Variants in PARD3B observed in about 807,000 individuals in gnomAD.
PARD3B encodes par-3 family cell polarity regulator beta.
Under a neutral mutation model 130.2 loss-of-function variants are expected in PARD3B, and 103 were observed. The observed-to-expected ratio is 0.79, with a 90% CI of 0.67 to 0.93. PARD3B has a LOEUF of 0.93. Ranked by LOEUF, PARD3B falls within the 40% of genes least tolerant of loss-of-function variation. The probability of loss-of-function intolerance (pLI) is 0.00; values close to 1 mark genes in which losing one functional copy is unlikely to be tolerated. For missense variants in PARD3B, 1,609 were observed against 1,499.2 expected (o/e 1.07, Z -1.21); for synonymous variants, 583 against 553.2 (o/e 1.05, Z -0.76).
chr2:204,738,886 A>G (rs1353907316), intron 2 of PARD3B, among the ~76,000 whole-genome samples: 1 of 152,200 alleles, frequency 6.6e-6, no homozygotes, highest in Admixed American at 6.5e-5. Flanking sequence ...GACCTACTAA[A>G]TAGTCTCTCT....
intron 2 of PARD3B, among the ~76,000 whole-genome samples, chr2:204,807,035 G>A (rs567982943): frequency 1.3e-5 from 2 of 152,108 alleles, no homozygotes; most frequent in Non-Finnish European, 2.9e-5. Context: ...GGCGAAGGAG[G>A]AGCAAAGGCA....
At chr2:204,944,977 T>G (rs1689197308) in intron 2 of PARD3B, among the ~76,000 whole-genome samples, 1 of 152,254 alleles carries the variant, frequency 6.6e-6, no homozygotes, top group Non-Finnish European at 1.5e-5. Context: ...AACTGTATTT[T>G]AATCTTTTGT....
intron 15 of PARD3B, among the ~76,000 whole-genome samples, chr2:205,200,904 G>C (rs2036952853): frequency 1.3e-5 from 2 of 151,802 alleles, no homozygotes; most frequent in Admixed American, 6.6e-5. Context: ...AGTGGGGATA[G>C]TAACTATTGA....
In PARD3B at chr2:205,238,630, G is replaced by A. The variant is rs778617791; in HGVS notation, c.2141-7148G>A. Among the ~76,000 whole-genome samples, 139 of 151,368 alleles carry A rather than the reference G, an allele frequency of 9.2e-4. 1 individual carries two copies. The highest frequency in any genetic ancestry group is 1.6e-3 in the Non-Finnish European group (106 of 67,822). On this transcript the variant is annotated intron_variant, in intron 15 of 22. Coordinates refer to ENST00000406610, the MANE Select transcript of PARD3B (RefSeq NM_001302769.2). Reference sequence around the variant, plus strand: ...GTGTATCACCTGAGGTCAGGAGTTCGAGACCAGCTTGACCAACATGGTGAA... The same window carrying A: ...GTGTATCACCTGAGGTCAGGAGTTCAAGACCAGCTTGACCAACATGGTGAA...
intron 2 of PARD3B, among the ~76,000 whole-genome samples, chr2:204,736,866 A>G (rs1170802037): frequency 6.6e-6 from 1 of 152,212 alleles, no homozygotes; most frequent in Non-Finnish European, 1.5e-5. Flanking sequence ...TGTTTTTCAT[A>G]GAGGTTGTAC....
chr2:204,785,516 G>C (rs376852200), intron 2 of PARD3B, among the ~76,000 whole-genome samples: 19 of 152,136 alleles, frequency 1.2e-4, no homozygotes, highest in African/African-American at 4.3e-4. Context: ...TCCTTAATAT[G>C]ACACTTTAAG....
chr2:205,077,448 A>C (rs566015207), intron 4 of PARD3B, among the ~76,000 whole-genome samples: 3 of 152,256 alleles, frequency 2.0e-5, no homozygotes, highest in South Asian at 4.1e-4. Context: ...CAATTCAGTC[A>C]TACCCTTTTG....
At chr2:205,524,369 T>G (rs1332098756) in intron 21 of PARD3B, among the ~76,000 whole-genome samples, 2 of 152,160 alleles carry the variant, frequency 1.3e-5, no homozygotes, top group Non-Finnish European at 2.9e-5. Context: ...TGATATTAAC[T>G]ACACCTCCTG....
chr2:204,959,559 C>G (rs1026815217), intron 2 of PARD3B, among the ~76,000 whole-genome samples: 1 of 152,292 alleles, frequency 6.6e-6, no homozygotes, highest in Non-Finnish European at 1.5e-5. Flanking sequence ...GCCACACTGT[C>G]TTCCACAATG....
rs1216424684 is a variant in PARD3B at position 205,300,393 on chromosome 2, G to A, written c.2186-137G>A. On this transcript the variant is annotated intron_variant, in intron 16 of 22. Transcript: ENST00000406610. This position sits in a 1 kb window ranked among gnomAD's most constrained non-coding sequence, Gnocchi z 4.1. ...GTTCAAGGTTACAAAAGGTGGCAAA[G>A]CTGGAGTATAACCCCAACTCCCACC... 1 of 740,230 alleles carries A rather than the reference G, an allele frequency of 1.4e-6. No homozygotes were observed. The highest frequency in any genetic ancestry group is 1.8e-5 in the African/African-American group (1 of 56,894). The allele number at this position is 740,230 out of a possible 1,614,324, so 45.9% of individuals were successfully genotyped here. A position where few individuals can be genotyped will look rare whatever the true frequency, so the allele number is the denominator to read the frequency against.
chr2:204,795,987 A>G (rs752570678), intron 2 of PARD3B, among the ~76,000 whole-genome samples: 2 of 152,156 alleles, frequency 1.3e-5, no homozygotes, highest in African/African-American at 2.4e-5. Flanking sequence ...TTTCCTAATC[A>G]CTCTACATGT....
Position 205,292,695 on chromosome 2 carries a change from C to T in PARD3B, c.2186-7835C>T, listed in dbSNP as rs575528910. Among the ~76,000 whole-genome samples the T allele has an allele frequency of 6.6e-6, 1 of 152,240 alleles. No homozygotes were observed. The highest frequency in any genetic ancestry group is 2.1e-4 in the South Asian group (1 of 4,820). ...AAGTTATTTTATCCTGCCCATCCTC[C>T]CACCTTTTTTTCTAGTTTTCTCTCA... On this transcript the variant is annotated intron_variant, in intron 16 of 22. Transcript: ENST00000406610. This position sits in a 1 kb window ranked among gnomAD's most constrained non-coding sequence, Gnocchi z 5.3.
Position 204,738,954 on chromosome 2 carries a change from A to T in PARD3B, c.222+52672A>T, listed in dbSNP as rs890299216. Among the ~76,000 whole-genome samples, 5 of 152,214 alleles carry T rather than the reference A, an allele frequency of 3.3e-5. No homozygotes were observed. In the South Asian group the frequency reaches 8.3e-4, roughly 25 times the overall value. ...ATAATTCCAGGGATGATGTCTCATCATATGCACAGGTTCTAGCTATACTCA... is the reference window on the plus strand; with the variant it reads ...ATAATTCCAGGGATGATGTCTCATCTTATGCACAGGTTCTAGCTATACTCA... On this transcript the variant is annotated intron_variant, in intron 2 of 22. Coordinates refer to ENST00000406610, the MANE Select transcript of PARD3B (RefSeq NM_001302769.2).
intron 14 of PARD3B, among the ~76,000 whole-genome samples, chr2:205,190,225 G>C (rs76785921): frequency 0.042 from 6,322 of 152,188 alleles, 175 homozygotes; most frequent in Non-Finnish European, 0.063. Flanking sequence ...TTCCTAATTT[G>C]TGAATTAACA....
At chr2:205,056,347 A>G (rs1699633894) in intron 4 of PARD3B, among the ~76,000 whole-genome samples, 3 of 152,062 alleles carry the variant, frequency 2.0e-5, no homozygotes, top group Non-Finnish European at 2.9e-5. Flanking sequence ...CCCTTTCCTA[A>G]TAGCTCTGTA....
intron 2 of PARD3B, among the ~76,000 whole-genome samples, chr2:204,725,494 C>T (rs2039183296): frequency 6.6e-6 from 1 of 151,986 alleles, no homozygotes; most frequent in African/African-American, 2.4e-5. Flanking sequence ...GAATTTATAC[C>T]TGGGAATGCC....
intron 19 of PARD3B, among the ~76,000 whole-genome samples, chr2:205,413,674 T>C (rs759152037): frequency 4.6e-5 from 7 of 152,144 alleles, no homozygotes; most frequent in East Asian, 1.9e-4. Context: ...AAATGAATCA[T>C]TGAAGCATAG....
chr2:204,699,729 A>G (rs567670846), intron 2 of PARD3B, among the ~76,000 whole-genome samples: 31 of 152,266 alleles, frequency 2.0e-4, no homozygotes, highest in Non-Finnish European at 4.1e-4. Flanking sequence ...CAAAGGCATC[A>G]ACACTCAAAC....
intron 11 of PARD3B, among the ~76,000 whole-genome samples, chr2:205,162,816 G>T (rs1043031669): frequency 6.6e-6 from 1 of 152,130 alleles, no homozygotes; most frequent in East Asian, 1.9e-4. Flanking sequence ...TTTTGTCCAG[G>T]AAAGCACAAA....
Sources: gnomAD v4.1 joint callset for allele counts (sites outside exome capture counted in the v4.1 genomes callset) on GRCh38, gnomAD v4.1.1 for gene constraint, Gnocchi (gnomAD v3.1) non-coding constraint, MANE v1.5 for transcripts, NCBI Gene and HGNC (gene_info 2026-07-23, HGNC 2026-07-21) for gene names.